Variants in NELL1 observed in about 807,000 individuals in gnomAD.
NELL1 encodes neural EGFL like 1.
A neutral mutation model predicts 107.4 loss-of-function variants in NELL1; 76 were observed. That is an observed-to-expected ratio of 0.71 (90% CI 0.59 to 0.86). The LOEUF (loss-of-function observed/expected upper bound fraction) is 0.86. Among genes scored for constraint, NELL1 ranks in the 40% least tolerant of loss-of-function variants. NELL1 has a pLI of 0.00. For missense variants in NELL1, 1,024 were observed against 1,005.5 expected (o/e 1.02, Z -0.25); for synonymous variants, 353 against 341.2 (o/e 1.03, Z -0.38).
chr11:20,669,752 G>C lies in NELL1; in HGVS notation c.29G>C (p.Trp10Ser), dbSNP rs532321219. The change falls in exon 1 of 20, where the codon TGG becomes TCG. Residue 10 changes from tryptophan (W) to serine (S), a missense_variant. Trp to Ser is a radical substitution (Grantham distance 177). Transcript: ENST00000357134. The surrounding 1 kb of genome is among the most constrained non-coding windows in gnomAD (Gnocchi z 4.4). MPMDLILVV[W>S]FCVCTARTVV... is the part of the protein sequence containing the mutation. ...CCGATGGATTTGATTTTAGTTGTGT[G>C]GTTCTGTGTGTGCACTGCCAGGACA... is the stretch of plus-strand genomic sequence containing the variant. The C allele has an allele frequency of 6.2e-7, 1 of 1,613,796 alleles. No homozygotes were observed. The highest frequency in any genetic ancestry group is 2.2e-5 in the East Asian group (1 of 44,808).
At chr11:21,162,563 A>G (rs1330550085) in intron 13 of NELL1, among the ~76,000 whole-genome samples, 1 of 152,196 alleles carries the variant, frequency 6.6e-6, no homozygotes, top group Non-Finnish European at 1.5e-5. Context: ...AAGATTCTGA[A>G]TAGTTCCTAT....
chr11:21,431,889 G>T (rs1852975350), intron 15 of NELL1, among the ~76,000 whole-genome samples: 1 of 152,048 alleles, frequency 6.6e-6, no homozygotes, highest in Non-Finnish European at 1.5e-5. Flanking sequence ...CAAACTACTT[G>T]AGTTTTTATG....
At chr11:21,349,105 C>G (rs1850746255) in intron 14 of NELL1, among the ~76,000 whole-genome samples, 1 of 151,948 alleles carries the variant, frequency 6.6e-6, no homozygotes, top group Non-Finnish European at 1.5e-5. Flanking sequence ...GGTAGAATCA[C>G]AGAGGATGAT....
Position 21,062,316 on chromosome 11 carries a change from T to C in NELL1, c.1301-51273T>C, listed in dbSNP as rs1464933874. ...CCCTTTTGAATTTGTTAACGGTGATTACTGAAAAACTTAAAATTACATAGG... is the reference window on the plus strand; with the variant it reads ...CCCTTTTGAATTTGTTAACGGTGATCACTGAAAAACTTAAAATTACATAGG... On this transcript the variant is annotated intron_variant, in intron 12 of 19. Transcript: ENST00000357134. Among the ~76,000 whole-genome samples, 3 of 152,308 alleles carry C rather than the reference T, an allele frequency of 2.0e-5. No homozygotes were observed. In the East Asian group the frequency reaches 5.8e-4, roughly 29 times the overall value.
At chr11:20,830,021 C>A (rs1412487283) in intron 3 of NELL1, among the ~76,000 whole-genome samples, 1 of 152,046 alleles carries the variant, frequency 6.6e-6, no homozygotes, top group Non-Finnish European at 1.5e-5. Flanking sequence ...TGCCTGTAAT[C>A]CCCCCACCTT....
intron 13 of NELL1, among the ~76,000 whole-genome samples, chr11:21,149,438 A>G (rs181176855): frequency 4.7e-4 from 71 of 152,350 alleles, no homozygotes; most frequent in Admixed American, 1.8e-3. Flanking sequence ...CACATTTTAC[A>G]TGGTAGCAGG....
chr11:20,894,283 A>G (rs1004330696), intron 5 of NELL1, among the ~76,000 whole-genome samples: 1 of 152,202 alleles, frequency 6.6e-6, no homozygotes, highest in Non-Finnish European at 1.5e-5. Flanking sequence ...ATCCATTGGA[A>G]TATATTAAAA....
chr11:21,251,346 A>T (rs936951462), intron 14 of NELL1, among the ~76,000 whole-genome samples: 19 of 152,212 alleles, frequency 1.2e-4, no homozygotes, highest in African/African-American at 4.6e-4. Flanking sequence ...CCCCCAATAT[A>T]AAAGGAGACT....
intron 2 of NELL1, among the ~76,000 whole-genome samples, chr11:20,700,547 T>A (rs193232659): frequency 1.3e-5 from 2 of 152,238 alleles, no homozygotes; most frequent in Non-Finnish European, 2.9e-5. Context: ...CTAGGATACA[T>A]GTGCACAACA....
chr11:20,959,609 T>C (rs922719705), intron 11 of NELL1, among the ~76,000 whole-genome samples: 4 of 152,042 alleles, frequency 2.6e-5, no homozygotes, highest in African/African-American at 9.7e-5. Flanking sequence ...TAAGTGGGAG[T>C]TAGGCTATGA....
chr11:21,284,190 T>A (rs1458008306), intron 14 of NELL1: 5 of 454,608 alleles, frequency 1.1e-5, no homozygotes, highest in Non-Finnish European at 8.9e-6. Context: ...AACAACATGT[T>A]GCATACCACC....
At chr11:21,359,480 C>T (rs1016158850) in intron 14 of NELL1, among the ~76,000 whole-genome samples, 2 of 152,076 alleles carry the variant, frequency 1.3e-5, no homozygotes, top group Non-Finnish European at 1.5e-5. Flanking sequence ...TTGTTATGTC[C>T]TTTACTGGTT....
intron 2 of NELL1, among the ~76,000 whole-genome samples, chr11:20,753,889 G>A (rs919408961): frequency 6.6e-6 from 1 of 152,176 alleles, no homozygotes; most frequent in Non-Finnish European, 1.5e-5. Context: ...TGCTACTCAA[G>A]TTGTTTGCTT....
chr11:21,448,367 C>G (rs1945410), intron 15 of NELL1, among the ~76,000 whole-genome samples: 1 of 151,990 alleles, frequency 6.6e-6, no homozygotes, highest in East Asian at 1.9e-4. Context: ...TTTGTGTTTT[C>G]TTCACATTTT....
At chr11:20,728,819 A>G (rs115093528) in intron 2 of NELL1, among the ~76,000 whole-genome samples, 141 of 152,244 alleles carry the variant, frequency 9.3e-4, no homozygotes, top group African/African-American at 3.1e-3. Context: ...GAATTTCATC[A>G]TAGTTTTTCC....
At chr11:20,806,976 TA>T (rs1412099927) in intron 3 of NELL1, among the ~76,000 whole-genome samples, 1 of 152,200 alleles carries the variant, frequency 6.6e-6, no homozygotes, top group Non-Finnish European at 1.5e-5. Context: ...TGACTTTCCT[TA>T]AAACAACTAT....
At chr11:21,548,637 C>G (rs905460687) in intron 16 of NELL1, among the ~76,000 whole-genome samples, 1 of 151,758 alleles carries the variant, frequency 6.6e-6, no homozygotes, top group Non-Finnish European at 1.5e-5. Flanking sequence ...ATGGGAGCTA[C>G]AAGACGAGAT....
chr11:20,867,918 A>G (rs978329488), intron 4 of NELL1, among the ~76,000 whole-genome samples: 4 of 152,198 alleles, frequency 2.6e-5, no homozygotes, highest in African/African-American at 9.6e-5. Context: ...TAAATTGTGA[A>G]TGAGACATTT....
intron 5 of NELL1, among the ~76,000 whole-genome samples, chr11:20,912,121 T>G (rs899599196): frequency 2.6e-5 from 4 of 152,306 alleles, no homozygotes; most frequent in Admixed American, 1.3e-4. Flanking sequence ...TATGTTGCCT[T>G]TATAGGCAAA....
Sources: gnomAD v4.1 joint callset for allele counts (sites outside exome capture counted in the v4.1 genomes callset) on GRCh38, gnomAD v4.1.1 for gene constraint, Gnocchi (gnomAD v3.1) non-coding constraint, MANE v1.5 for transcripts, NCBI Gene and HGNC (gene_info 2026-07-23, HGNC 2026-07-21) for gene names.